SLC6A11: variants seen among roughly 807,000 people sequenced by gnomAD.
The protein encoded by SLC6A11 is sodium- and chloride-dependent GABA transporter 3.
In SLC6A11, 25 loss-of-function variants were observed where a neutral mutation model predicts 74.8. The ratio of observed to expected loss-of-function variants is 0.33; its 90% confidence interval spans 0.24 to 0.47. The LOEUF (loss-of-function observed/expected upper bound fraction) is 0.47. SLC6A11 is among the 20% of genes least tolerant of loss of function. The pLI, the probability that SLC6A11 is intolerant of heterozygous loss-of-function variation, is 1.00. For synonymous variants in SLC6A11, 330 were observed against 330.2 expected, an observed-to-expected ratio of 1.00 and a Z score of 0.01; for missense variants, 574 against 837.0, an observed-to-expected ratio of 0.69 and a Z score of 3.88.
intron 5 of SLC6A11, among the ~76,000 whole-genome samples, chr3:10,857,373 G>T: frequency 6.6e-6 from 1 of 152,154 alleles, no homozygotes; most frequent in East Asian, 1.9e-4. Context: ...TCAGAGGAAG[G>T]TCCCATGGGC....
chr3:10,935,217 G>C lies in SLC6A11; in HGVS notation c.1746+18G>C, dbSNP rs772733320. 2 of 1,612,788 alleles carry C rather than the reference G, an allele frequency of 1.2e-6. No individual in the cohort carries two copies. The highest frequency in any genetic ancestry group is 1.7e-6 in the Non-Finnish European group (2 of 1,179,038). On this transcript the variant is annotated intron_variant, in intron 13 of 13. Coordinates refer to ENST00000254488, the MANE Select transcript of SLC6A11 (RefSeq NM_014229.3). ...TGCCCGAGGTGAGACCGCCCCAGGA[G>C]GGCTGGTGCGTTTGGGCAGGGTTCG...
Position 10,915,774 on chromosome 3 carries a change from A to G in SLC6A11, c.996-2555A>G, listed in dbSNP as rs1433185503. ...TCTCTGTCTCTCCTTCTGTCTCTCCATAATGTGAGGAAGTCACTCAACAGA... is the reference window on the plus strand; with the variant it reads ...TCTCTGTCTCTCCTTCTGTCTCTCCGTAATGTGAGGAAGTCACTCAACAGA... On this transcript the variant is annotated intron_variant, in intron 7 of 13. Coordinates refer to ENST00000254488, the MANE Select transcript of SLC6A11 (RefSeq NM_014229.3). This position sits in a 1 kb window ranked among gnomAD's most constrained non-coding sequence, Gnocchi z 4.3. Among the ~76,000 whole-genome samples the G allele has an allele frequency of 2.6e-5, 4 of 152,226 alleles. No homozygotes were observed. The highest frequency in any genetic ancestry group is 4.1e-4 in the South Asian group (2 of 4,828).
chr3:10,868,449 C>T (rs911302618), intron 5 of SLC6A11, among the ~76,000 whole-genome samples: 5 of 152,346 alleles, frequency 3.3e-5, no homozygotes, highest in Non-Finnish European at 5.9e-5. Flanking sequence ...GAGCAATTAG[C>T]GTCAATTAAA....
At chr3:10,925,881 T>G in intron 8 of SLC6A11, 123 bp from the exon 9 acceptor site, 1 of 659,220 alleles carries the variant, frequency 1.5e-6, no homozygotes, top group Non-Finnish European at 2.8e-6. Flanking sequence ...CAGAAGTGAT[T>G]TGAGTGAGAG....
chr3:10,930,418 T>C (rs550142321), intron 10 of SLC6A11, among the ~76,000 whole-genome samples: 1 of 152,248 alleles, frequency 6.6e-6, no homozygotes, highest in East Asian at 1.9e-4. Context: ...TGGCATGGGG[T>C]GGGTGCTCGG....
In SLC6A11 at chr3:10,816,417, G is replaced by A; in HGVS notation, c.152G>A (p.Gly51Asp). 1 of 1,597,770 alleles carries A rather than the reference G, an allele frequency of 6.3e-7. No individual in the cohort carries two copies. The highest frequency in any genetic ancestry group is 8.5e-7 in the Non-Finnish European group (1 of 1,172,882). Reference sequence around the variant, plus strand: ...CGCGACAAGGCGGTCCACGAGCGCGGCCACTGGAACAACAAGGTGGAGTTC... The same window carrying A: ...CGCGACAAGGCGGTCCACGAGCGCGACCACTGGAACAACAAGGTGGAGTTC... ...VKRDKAVHER[G>D]HWNNKVEFVL... Residue 51 changes from glycine (G) to aspartate (D), a missense_variant, in exon 1 of 14, where the codon GGC becomes GAC. By Grantham distance (94) the Gly-to-Asp change is moderately conservative. Around this residue, in one of 4 missense-constraint regions of SLC6A11, gnomAD observed 86 missense variants for 87.4 expected, o/e 0.98. Transcript: ENST00000254488. The surrounding 1 kb of genome is among the most constrained non-coding windows in gnomAD (Gnocchi z 4.2).
chr3:10,884,813 C>T (rs2106611425), intron 6 of SLC6A11, among the ~76,000 whole-genome samples: 1 of 152,346 alleles, frequency 6.6e-6, no homozygotes, highest in South Asian at 2.1e-4. Context: ...AGAGGGAGGC[C>T]TGTTACCTCT....
chr3:10,877,220 C>T (rs1694919379), intron 6 of SLC6A11, among the ~76,000 whole-genome samples: 1 of 152,180 alleles, frequency 6.6e-6, no homozygotes, highest in Non-Finnish European at 1.5e-5. Flanking sequence ...AGACAGAAAC[C>T]CTATGGACCC....
In SLC6A11 at chr3:10,929,345, T is replaced by G; in HGVS notation, c.1371+6T>G. 3 of 1,613,624 alleles carry G rather than the reference T, an allele frequency of 1.9e-6. No homozygotes were observed. The highest frequency in any genetic ancestry group is 1.1e-5 in the South Asian group (1 of 90,988). On this transcript the variant is annotated splice_donor_region_variant and intron_variant, in intron 10 of 13. Coordinates refer to ENST00000254488, the MANE Select transcript of SLC6A11 (RefSeq NM_014229.3). ...GCCTCGTGATGTTAACAGAGGTGAG[T>G]GGCATGGTTCGGGCCGCACGGGGTG... is the stretch of plus-strand genomic sequence containing the variant.
At chr3:10,896,079 G>A (rs894585111) in intron 6 of SLC6A11, among the ~76,000 whole-genome samples, 6 of 152,238 alleles carry the variant, frequency 3.9e-5, no homozygotes, top group African/African-American at 1.4e-4. Context: ...CCTGGCAAAG[G>A]AGGCATTGAC....
intron 7 of SLC6A11, among the ~76,000 whole-genome samples, chr3:10,913,724 C>T (rs541443793): frequency 6.6e-6 from 1 of 152,272 alleles, no homozygotes; most frequent in African/African-American, 2.4e-5. Context: ...GACGGAGTCT[C>T]GCTCAGTCAC....
At chr3:10,887,580 G>A (rs1272543570) in intron 6 of SLC6A11, among the ~76,000 whole-genome samples, 2 of 152,034 alleles carry the variant, frequency 1.3e-5, no homozygotes, top group African/African-American at 2.4e-5. Flanking sequence ...TGAGCAACTG[G>A]GATTACAGCT....
chr3:10,886,099 A>G (rs1695039251), intron 6 of SLC6A11, among the ~76,000 whole-genome samples: 1 of 152,226 alleles, frequency 6.6e-6, no homozygotes, highest in South Asian at 2.1e-4. Flanking sequence ...AAACCCTCTC[A>G]GGGGTTCCCA....
chr3:10,856,305 G>C (rs754235988), intron 5 of SLC6A11, among the ~76,000 whole-genome samples: 4 of 152,208 alleles, frequency 2.6e-5, no homozygotes, highest in Non-Finnish European at 4.4e-5. Context: ...GGTTGAGAGG[G>C]AAGCAGGGAA....
At chr3:10,866,861 C>G (rs1694769044) in intron 5 of SLC6A11, among the ~76,000 whole-genome samples, 1 of 152,160 alleles carries the variant, frequency 6.6e-6, no homozygotes, top group South Asian at 2.1e-4. Context: ...TCCAGGGTGG[C>G]CTTTCTTCTT....
chr3:10,894,734 G>A (rs1299456922), intron 6 of SLC6A11, among the ~76,000 whole-genome samples: 1 of 152,132 alleles, frequency 6.6e-6, no homozygotes, highest in African/African-American at 2.4e-5. Context: ...TGGTGACATA[G>A]GCAATAACAT....
chr3:10,902,553 A>G (rs1425514470), intron 6 of SLC6A11, among the ~76,000 whole-genome samples: 1 of 152,248 alleles, frequency 6.6e-6, no homozygotes, highest in Non-Finnish European at 1.5e-5. Context: ...CTTTACATTC[A>G]TTATGTCTTT....
rs372504440 is a variant in SLC6A11, at chr3:10,844,238, C to T, written c.648C>T (p.Asp216=). 5.5e-5 allele frequency: 88 copies of T among 1,614,098 alleles called. No individual in the cohort carries two copies. The African/African-American group carries it at 8.4e-4, about 15-fold the overall frequency. The change falls in exon 5 of 14, where the codon GAC becomes GAT. Residue 216 remains aspartate, a synonymous_variant. Transcript: ENST00000254488. Reference sequence around the variant, plus strand: ...GGCACCGGGTCCTGGCCATCTCTGACGGGATCGAGCACATCGGGAACCTTC... The same window carrying T: ...GGCACCGGGTCCTGGCCATCTCTGATGGGATCGAGCACATCGGGAACCTTC... ...FWEHRVLAIS[D]GIEHIGNLRW... is the part of the protein sequence containing the mutation.
At chr3:10,921,213 A>G (rs1260891373) in intron 8 of SLC6A11, among the ~76,000 whole-genome samples, 1 of 152,160 alleles carries the variant, frequency 6.6e-6, no homozygotes, top group Admixed American at 6.5e-5. Flanking sequence ...TAGGGGAATG[A>G]TTTTACACAG....
Sources: gnomAD v4.1 joint callset for allele counts (sites outside exome capture counted in the v4.1 genomes callset) on GRCh38, gnomAD v4.1.1 for gene constraint, gnomAD v4.1.1 regional missense constraint, Gnocchi (gnomAD v3.1) non-coding constraint, MANE v1.5 for transcripts, NCBI Gene and HGNC (gene_info 2026-07-23, HGNC 2026-07-21) for gene names.